MYO5C: variants seen among roughly 807,000 people sequenced by gnomAD.
MYO5C encodes myosin VC.
MYO5C carries 194 observed loss-of-function variants against 235.7 expected under a neutral mutation model. The ratio of observed to expected loss-of-function variants is 0.82; its 90% confidence interval spans 0.73 to 0.93. The LOEUF (loss-of-function observed/expected upper bound fraction) is 0.93, where lower values mean the gene tolerates loss of function less well. MYO5C is among the 40% of genes least tolerant of loss of function. The pLI is 0.00. For missense variants in MYO5C, 2,038 were observed against 2,127.2 expected, an observed-to-expected ratio of 0.96 and a Z score of 0.82; for synonymous variants, 707 against 754.8, an observed-to-expected ratio of 0.94 and a Z score of 1.04.
At position 52,218,687 on chromosome 15, in the gene MYO5C, C is replaced by G. The variant is rs73404874; in HGVS notation, c.3786G>C (p.Lys1262Asn). The G allele has an allele frequency of 2.5e-3, 4,014 of 1,613,922 alleles. 77 individuals carry two copies. The African/African-American group carries it at 0.045, about 18-fold the overall frequency. ...RSQEEEGTQR[K>N]ALEAQNEIHT... ...GTATTTCATTTTGGGCTTCCAAGGC[C>G]CTGAGAAAGGGAGGGAGGAATGGCT... The change falls in exon 32 of 41, where the codon AAG becomes AAC. Residue 1262 changes from lysine (K) to asparagine (N), a missense_variant and splice_region_variant. By Grantham distance (94) the Lys-to-Asn change is moderately conservative. Transcript: ENST00000261839.
chr15:52,291,731 GTTTTTT>G lies in MYO5C; in HGVS notation c.27+3873_27+3878del, dbSNP rs1196328559. On this transcript the variant is annotated intron_variant, in intron 1 of 40. Coordinates refer to ENST00000261839, the MANE Select transcript of MYO5C (RefSeq NM_018728.4). Reference sequence around the variant, plus strand: ...TTTTTTCTTTGTTTGCATATTTTATGTTTTTTTTTTTTTTTTTTTTTTTTTGAGACA... The same window carrying G: ...TTTTTTCTTTGTTTGCATATTTTATGTTTTTTTTTTTTTTTTTTTGAGACA... 1.8e-3 allele frequency among the ~76,000 whole-genome samples: 93 copies of G among 52,548 alleles called. 1 individual carries two copies. The highest frequency in any genetic ancestry group is 2.0e-3 in the Non-Finnish European group (62 of 30,278). 34.5% of individuals were successfully genotyped at this position (52,548 alleles called of 152,430 possible).
chr15:52,260,640 C>T (rs2036673536), intron 10 of MYO5C, among the ~76,000 whole-genome samples: 1 of 152,190 alleles, frequency 6.6e-6, no homozygotes, highest in Non-Finnish European at 1.5e-5. Context: ...ACACAGTAAG[C>T]TCTTGACATT....
At position 52,253,325 on chromosome 15, in the gene MYO5C, C is replaced by A. The variant is rs2036512425; in HGVS notation, c.1528G>T (p.Glu510Ter). The change falls in exon 12 of 41, where the codon GAA becomes TAA. Residue 510 changes from glutamate to a stop codon, truncating the protein, a stop_gained. Coordinates refer to ENST00000261839, the MANE Select transcript of MYO5C (RefSeq NM_018728.4). LOFTEE classifies it high-confidence loss of function. The stretch of plus-strand genomic sequence containing the variant: ...TTATTCTTAAAAGTTACCAAACATT[C>A]TTCATCCAGTAACTCCAGAATTCCC... ...KMGILELLDEECLLPHGTDEN... is the reference protein window; with the variant it reads ...KMGILELLDE The A allele has an allele frequency of 6.2e-7, 1 of 1,606,030 alleles. No individual in the cohort carries two copies. Among genetic ancestry groups the A allele is most frequent in the Admixed American group, 1.7e-5 (1 of 57,268 alleles).
chr15:52,207,724 G>A (rs1206831689), intron 36 of MYO5C, among the ~76,000 whole-genome samples: 1 of 152,046 alleles, frequency 6.6e-6, no homozygotes, highest in Non-Finnish European at 1.5e-5. Context: ...GACTTCATAA[G>A]GAAAATTAGA....
chr15:52,278,978 G>A lies in MYO5C; in HGVS notation c.344C>T (p.Pro115Leu). 6.2e-7 allele frequency: 1 copy of A among 1,613,934 alleles called. No individual in the cohort carries two copies. The highest frequency in any genetic ancestry group is 8.5e-7 in the Non-Finnish European group (1 of 1,179,942). The change falls in exon 4 of 41, where the codon CCA becomes CTA. Residue 115 changes from proline to leucine, a missense_variant. Transcript: ENST00000261839. Reference sequence around the variant, plus strand: ...GTGGATGATGGCATCTCCGTATATTGGCAACTGCTTGTAAGGATTCATGGC... The same window carrying A: ...GTGGATGATGGCATCTCCGTATATTAGCAACTGCTTGTAAGGATTCATGGC... ...LVAMNPYKQL[P>L]IYGDAIIHAY...
intron 1 of MYO5C, 140 bp downstream of exon 1, chr15:52,295,470 G>C: frequency 1.0e-6 from 1 of 1,001,350 alleles, no homozygotes; most frequent in Non-Finnish European, 1.3e-6. Context: ...CGGCGCCTCC[G>C]CGGCCCCCAG....
chr15:52,218,892 C>G (rs1175916853), intron 31 of MYO5C, among the ~76,000 whole-genome samples: 2 of 152,206 alleles, frequency 1.3e-5, no homozygotes, highest in African/African-American at 4.8e-5. Flanking sequence ...TGTCCATGGA[C>G]TGCTCTGGTC....
chr15:52,220,976 G>C (rs2035669151), intron 30 of MYO5C, among the ~76,000 whole-genome samples, 186 bp downstream of exon 30: 1 of 152,010 alleles, frequency 6.6e-6, no homozygotes, highest in South Asian at 2.1e-4. Context: ...CACTCAGCCT[G>C]CACCTCCTTT....
chr15:52,225,231 G>T, intron 26 of MYO5C, 93 bp from the exon 27 acceptor site: 1 of 1,380,830 alleles, frequency 7.2e-7, no homozygotes, highest in Non-Finnish European at 1.0e-6. Context: ...TAGCTTCACA[G>T]TCTCCAGCTA....
chr15:52,281,404 T>C (rs910500072), intron 2 of MYO5C, among the ~76,000 whole-genome samples: 2 of 152,202 alleles, frequency 1.3e-5, no homozygotes, highest in African/African-American at 4.8e-5. Flanking sequence ...CTGCAGATAT[T>C]ACCAAAGCAG....
rs1296700463 is a variant in MYO5C, at chr15:52,211,818, C to T, written c.4208G>A (p.Cys1403Tyr). The change falls in exon 35 of 41, where the codon TGT (cysteine) becomes TAT (tyrosine). Residue 1403 changes from cysteine to tyrosine, a missense_variant. Coordinates refer to ENST00000261839, the MANE Select transcript of MYO5C (RefSeq NM_018728.4). ...PGLPAHILFMCVRYADSLNDA... is the reference protein window; with the variant it reads ...PGLPAHILFMYVRYADSLNDA... ...ATTCAGAGAGTCTGCGTAGCGCACA[C>T]ACATGAACAGGATATGAGCCGGCAG... The T allele has an allele frequency of 3.1e-6, 5 of 1,614,068 alleles. No homozygotes were observed. The highest frequency in any genetic ancestry group is 3.4e-6 in the Non-Finnish European group (4 of 1,180,020).
chr15:52,270,628 G>C, intron 7 of MYO5C, among the ~76,000 whole-genome samples: 1 of 148,658 alleles, frequency 6.7e-6, no homozygotes, highest in African/African-American at 2.5e-5. Context: ...ATATATAAAT[G>C]TATGTGTATA....
intron 21 of MYO5C, 131 bp from the exon 22 acceptor site, chr15:52,237,777 A>C: frequency 2.5e-6 from 2 of 807,492 alleles, no homozygotes; most frequent in Non-Finnish European, 3.9e-6. Flanking sequence ...TTATCACTGC[A>C]CTGACATTTG....
chr15:52,286,093 G>GAA (rs1400063992), intron 1 of MYO5C, among the ~76,000 whole-genome samples: 4 of 150,602 alleles, frequency 2.7e-5, no homozygotes, highest in Non-Finnish European at 4.4e-5. Flanking sequence ...CCCCGTCTGA[G>GAA]AAGTGAGGAG....
chr15:52,289,356 T>G (rs1399280018), intron 1 of MYO5C, among the ~76,000 whole-genome samples: 1 of 152,056 alleles, frequency 6.6e-6, no homozygotes, highest in Non-Finnish European at 1.5e-5. Flanking sequence ...CATTTCCAAT[T>G]GCCTCCAAGA....
Position 52,261,137 on chromosome 15 carries a change from C to A in MYO5C, c.1048-10G>T, listed in dbSNP as rs759530034. 1 of 1,612,740 alleles carries A rather than the reference C, an allele frequency of 6.2e-7. No individual in the cohort carries two copies. The highest frequency in any genetic ancestry group is 8.5e-7 in the Non-Finnish European group (1 of 1,179,346). On this transcript the variant is annotated splice_polypyrimidine_tract_variant and intron_variant, in intron 9 of 40. Transcript: ENST00000261839. Reference sequence around the variant, plus strand: ...GGTGACTGTCATCCTCCTTCAAAAACAAGCACAAGCCCCGTCAGGTGGCCC... The same window carrying A: ...GGTGACTGTCATCCTCCTTCAAAAAAAAGCACAAGCCCCGTCAGGTGGCCC...
At chr15:52,282,751 C>G (rs966031349) in intron 2 of MYO5C, 31 bp downstream of exon 2, 15 of 1,443,548 alleles carry the variant, frequency 1.0e-5, no homozygotes, top group East Asian at 9.1e-5. Context: ...CTTTACACAT[C>G]GACGTAGCTG....
intron 24 of MYO5C, among the ~76,000 whole-genome samples, 174 bp from the exon 25 acceptor site, chr15:52,229,487 G>T (rs1288074548): frequency 1.3e-5 from 2 of 152,092 alleles, no homozygotes; most frequent in Admixed American, 6.5e-5. Context: ...AGTCAGGTGT[G>T]GTGGAGCACG....
intron 38 of MYO5C, among the ~76,000 whole-genome samples, chr15:52,202,417 G>A (rs2035209529): frequency 6.6e-6 from 1 of 152,116 alleles, no homozygotes; most frequent in Admixed American, 6.6e-5. Context: ...CCACCTGGTG[G>A]AAGGGAAAAA....
Sources: allele counts gnomAD v4.1 joint callset (sites outside exome capture counted in the v4.1 genomes callset), GRCh38; gene constraint gnomAD v4.1.1; transcripts MANE v1.5; gene names NCBI Gene and HGNC (gene_info 2026-07-23, HGNC 2026-07-21).